Variants in SHROOM3 observed in about 807,000 individuals in gnomAD.
SHROOM3 encodes shroom family member 3.
In SHROOM3, 47 loss-of-function variants were observed where a neutral mutation model predicts 138.6. The observed-to-expected ratio is 0.34, with a 90% CI of 0.27 to 0.43. The LOEUF (loss-of-function observed/expected upper bound fraction) is 0.43, where lower values mean the gene tolerates loss of function less well. SHROOM3 is among the 20% of genes least tolerant of loss of function. SHROOM3 has a pLI of 1.00. For synonymous variants in SHROOM3, 1,062 were observed against 1,063.3 expected (o/e 1.00, Z 0.02); for missense variants, 2,491 against 2,596.5 (o/e 0.96, Z 0.88).
chr4:76,697,545 A>AG (rs889322053), intron 2 of SHROOM3, among the ~76,000 whole-genome samples: 10 of 152,302 alleles, frequency 6.6e-5, no homozygotes, highest in African/African-American at 2.4e-4. Context: ...AAGGCAGTTA[A>AG]GGGCACACTC....
chr4:76,585,658 T>A (rs1168165643), intron 2 of SHROOM3, among the ~76,000 whole-genome samples: 1 of 152,188 alleles, frequency 6.6e-6, no homozygotes, highest in East Asian at 1.9e-4. Context: ...TAAGATGCGA[T>A]GTGGTGTTGT....
intron 2 of SHROOM3, among the ~76,000 whole-genome samples, chr4:76,649,315 A>G (rs1313263155): frequency 2.0e-5 from 3 of 152,212 alleles, no homozygotes; most frequent in African/African-American, 7.2e-5. Flanking sequence ...CTTCTATTAA[A>G]AGGAGCTAAT....
In SHROOM3 at chr4:76,749,462, A is replaced by G. The variant is rs573872202; in HGVS notation, c.3827+372A>G. Among the ~76,000 whole-genome samples the G allele has an allele frequency of 2.0e-5, 3 of 152,352 alleles. No individual in the cohort carries two copies. The East Asian group carries it at 5.8e-4, about 29-fold the overall frequency. ...GAGGACAAGGTTGATTTGGCTAACC[A>G]GTTTGACAACAGAATAATTAATGGA... On this transcript the variant is annotated intron_variant, in intron 6 of 10. Coordinates refer to ENST00000296043, the MANE Select transcript of SHROOM3 (RefSeq NM_020859.4).
At chr4:76,774,477 T>G (rs879684059) in intron 10 of SHROOM3, among the ~76,000 whole-genome samples, 3 of 152,116 alleles carry the variant, frequency 2.0e-5, no homozygotes, top group Non-Finnish European at 2.9e-5. Flanking sequence ...TAACTGAATC[T>G]CTAAAAAAAA....
At chr4:76,587,528 A>G (rs551014664) in intron 2 of SHROOM3, among the ~76,000 whole-genome samples, 3 of 152,220 alleles carry the variant, frequency 2.0e-5, no homozygotes, top group Non-Finnish European at 2.9e-5. Context: ...CAAACAGGTC[A>G]TTCAAAATCT....
chr4:76,545,427 G>T (rs1055684005), intron 1 of SHROOM3, among the ~76,000 whole-genome samples: 2 of 152,046 alleles, frequency 1.3e-5, no homozygotes, highest in Non-Finnish European at 2.9e-5. Context: ...TGGTCCATAG[G>T]GTGTCACTGG....
intron 1 of SHROOM3, among the ~76,000 whole-genome samples, chr4:76,452,841 C>T (rs1429541078): frequency 6.6e-6 from 1 of 152,142 alleles, no homozygotes; most frequent in Non-Finnish European, 1.5e-5. Context: ...CCTCAGCCTC[C>T]CAAGTAACTG....
chr4:76,670,377 T>C lies in SHROOM3; in HGVS notation c.324-39779T>C, dbSNP rs527277700. ...ATTGTGATTCAAGTTATTTGAAATATCTAGAAAAGGAAAATCTATAGAGAC... is the reference window on the plus strand; with the variant it reads ...ATTGTGATTCAAGTTATTTGAAATACCTAGAAAAGGAAAATCTATAGAGAC... On this transcript the variant is annotated intron_variant, in intron 2 of 10. Coordinates refer to ENST00000296043, the MANE Select transcript of SHROOM3 (RefSeq NM_020859.4). Among the ~76,000 whole-genome samples the C allele has an allele frequency of 2.2e-4, 34 of 152,246 alleles. 1 individual carries two copies. The South Asian group carries it at 6.0e-3, about 27-fold the overall frequency.
intron 9 of SHROOM3, among the ~76,000 whole-genome samples, chr4:76,768,651 C>T (rs1208873729): frequency 6.6e-6 from 1 of 152,114 alleles, no homozygotes; most frequent in Non-Finnish European, 1.5e-5. Flanking sequence ...CTGGGGATTA[C>T]AGACGCCCAC....
In SHROOM3 at chr4:76,741,174, C is replaced by G; in HGVS notation, c.3001C>G (p.Pro1001Ala). Residue 1001 changes from proline (P) to alanine (A), a missense_variant, in exon 5 of 11, where the codon CCT becomes GCT. This residue lies in a region of SHROOM3 where 1,733 missense variants were observed against 1,661.6 expected (regional missense o/e 1.04). Coordinates refer to ENST00000296043, the MANE Select transcript of SHROOM3 (RefSeq NM_020859.4). This position sits in a 1 kb window ranked among gnomAD's most constrained non-coding sequence, Gnocchi z 6.2. ...AEGDLARPVP[P>A]AARRGARRRL... ...GGGCGACCTGGCCAGGCCCGTGCCC[C>G]CTGCCGCCCGGAGAGGTGCTCGCCG... The G allele has an allele frequency of 6.3e-7, 1 of 1,587,780 alleles. No homozygotes were observed. The highest frequency in any genetic ancestry group is 8.6e-7 in the Non-Finnish European group (1 of 1,168,340).
chr4:76,473,804 G>C (rs1336007758), intron 1 of SHROOM3, among the ~76,000 whole-genome samples: 1 of 152,078 alleles, frequency 6.6e-6, no homozygotes, highest in Non-Finnish European at 1.5e-5. Flanking sequence ...TACTCAAAAG[G>C]ACAGACAATA....
intron 2 of SHROOM3, among the ~76,000 whole-genome samples, chr4:76,608,235 A>T (rs890774036): frequency 6.6e-6 from 1 of 152,236 alleles, no homozygotes; most frequent in Admixed American, 6.5e-5. Context: ...CACAGTTTTT[A>T]GCTCTCGAGG....
intron 1 of SHROOM3, among the ~76,000 whole-genome samples, chr4:76,552,677 T>A (rs1733390706): frequency 6.6e-6 from 1 of 151,464 alleles, no homozygotes; most frequent in South Asian, 2.1e-4. Flanking sequence ...TGTAGCTATG[T>A]CTGCATATAA....
chr4:76,692,826 T>C (rs1187994837), intron 2 of SHROOM3, among the ~76,000 whole-genome samples: 1 of 152,232 alleles, frequency 6.6e-6, no homozygotes, highest in Non-Finnish European at 1.5e-5. Context: ...AAGTCAGTGG[T>C]TGCCAGTGGG....
chr4:76,518,825 G>C (rs1403411143), intron 1 of SHROOM3, among the ~76,000 whole-genome samples: 1 of 152,140 alleles, frequency 6.6e-6, no homozygotes, highest in Non-Finnish European at 1.5e-5. Flanking sequence ...TTTATTGCAA[G>C]CGATGTAAAC....
At chr4:76,521,677 G>A (rs1385820709) in intron 1 of SHROOM3, among the ~76,000 whole-genome samples, 12 of 152,216 alleles carry the variant, frequency 7.9e-5, no homozygotes, top group Admixed American at 7.9e-4. Flanking sequence ...AAAAGGTGAC[G>A]TAGGTGATTA....
At chr4:76,473,406 G>A (rs1237111937) in intron 1 of SHROOM3, among the ~76,000 whole-genome samples, 1 of 152,108 alleles carries the variant, frequency 6.6e-6, no homozygotes, top group Non-Finnish European at 1.5e-5. Flanking sequence ...CCAGGAGTTT[G>A]AGACCAGCCT....
chr4:76,505,412 A>C (rs1732188224), intron 1 of SHROOM3, among the ~76,000 whole-genome samples: 1 of 151,934 alleles, frequency 6.6e-6, no homozygotes, highest in Non-Finnish European at 1.5e-5. Context: ...TTCTGTTTTG[A>C]CTCAGCTCTG....
chr4:76,757,099 G>A, intron 8 of SHROOM3, 162 bp downstream of exon 8: 2 of 1,070,852 alleles, frequency 1.9e-6, no homozygotes, highest in Non-Finnish European at 2.8e-6. Flanking sequence ...CTGGCAGTGA[G>A]GATGTGGGAC....
Sources: allele counts gnomAD v4.1 joint callset (sites outside exome capture counted in the v4.1 genomes callset), GRCh38; gene constraint gnomAD v4.1.1; regional missense constraint gnomAD v4.1.1; non-coding constraint Gnocchi (gnomAD v3.1); transcripts MANE v1.5; gene names NCBI Gene and HGNC (gene_info 2026-07-23, HGNC 2026-07-21).